The following HOOK3 variants were observed in gnomAD, a reference collection of about 807,000 sequenced individuals.
HOOK3 encodes the protein hook microtubule tethering protein 3.
A neutral mutation model predicts 116.3 loss-of-function variants in HOOK3; 24 were observed. The observed-to-expected ratio is 0.21, with a 90% CI of 0.15 to 0.29. HOOK3 has a LOEUF of 0.29. HOOK3 is among the 10% of genes least tolerant of loss of function. The pLI, the probability that HOOK3 is intolerant of heterozygous loss-of-function variation, is 1.00. For missense variants in HOOK3, 632 were observed against 830.2 expected, an observed-to-expected ratio of 0.76 and a Z score of 2.93; for synonymous variants, 275 against 283.0, an observed-to-expected ratio of 0.97 and a Z score of 0.28.
At chr8:42,997,150 C>A (rs747084718) in intron 15 of HOOK3, among the ~76,000 whole-genome samples, 62 of 152,134 alleles carry the variant, frequency 4.1e-4, no homozygotes, top group Non-Finnish European at 8.2e-4. Context: ...TCATGCAGTC[C>A]ATCCACCTTG....
At chr8:42,991,530 G>A (rs917557115) in intron 15 of HOOK3, among the ~76,000 whole-genome samples, 2 of 151,706 alleles carry the variant, frequency 1.3e-5, no homozygotes, top group Admixed American at 1.3e-4. Context: ...AGCCTTCTGA[G>A]TAGCTGGGAC....
intron 4 of HOOK3, among the ~76,000 whole-genome samples, chr8:42,939,681 C>T (rs1352324260): frequency 6.6e-6 from 1 of 151,886 alleles, no homozygotes; most frequent in African/African-American, 2.4e-5. Context: ...TCCTCACTCC[C>T]CAGACTGGGT....
At chr8:42,989,548 CAT>C (rs143437053) in intron 15 of HOOK3, among the ~76,000 whole-genome samples, 76 of 152,222 alleles carry the variant, frequency 5.0e-4, no homozygotes, top group Non-Finnish European at 9.3e-4. Flanking sequence ...GCATAATAAT[CAT>C]ATTGGGGTAA....
intron 15 of HOOK3, among the ~76,000 whole-genome samples, chr8:42,988,180 A>G (rs1809084319): frequency 6.6e-6 from 1 of 152,218 alleles, no homozygotes; most frequent in African/African-American, 2.4e-5. Flanking sequence ...TGAGGAGTCT[A>G]GAGAAATGAG....
intron 2 of HOOK3, among the ~76,000 whole-genome samples, chr8:42,906,715 A>T (rs1459025491): frequency 6.6e-6 from 1 of 152,176 alleles, no homozygotes; most frequent in Non-Finnish European, 1.5e-5. Context: ...ACACCATCTG[A>T]TATACCATAT....
chr8:42,918,946 C>T (rs1258532337), intron 2 of HOOK3, among the ~76,000 whole-genome samples: 3 of 152,234 alleles, frequency 2.0e-5, no homozygotes, highest in East Asian at 1.9e-4. Context: ...ACCTCCCAGG[C>T]GGGGTGGCGG....
intron 2 of HOOK3, among the ~76,000 whole-genome samples, chr8:42,916,486 T>C (rs973964279): frequency 1.3e-5 from 2 of 152,210 alleles, no homozygotes; most frequent in African/African-American, 4.8e-5. Flanking sequence ...AGAATTACTA[T>C]TGAGAAAAGA....
At chr8:42,983,105 C>T (rs372202486) in intron 14 of HOOK3, among the ~76,000 whole-genome samples, 30 of 152,208 alleles carry the variant, frequency 2.0e-4, no homozygotes, top group East Asian at 1.7e-3. Context: ...GAGGCTGAGG[C>T]GGGTGGATCA....
chr8:42,956,177 C>A (rs896220939), intron 6 of HOOK3, among the ~76,000 whole-genome samples: 25 of 151,272 alleles, frequency 1.7e-4, no homozygotes, highest in Non-Finnish European at 3.7e-4. Context: ...CCCCAGAGAT[C>A]CGGAAGATCT....
rs10099800 is a variant in HOOK3 at position 42,990,814 on chromosome 8, C to G, written c.1532+4019C>G. Among the ~76,000 whole-genome samples, 1,191 of 152,230 alleles carry G rather than the reference C, an allele frequency of 7.8e-3. 22 individuals carry two copies. Among genetic ancestry groups the G allele is most frequent in the African/African-American group, 0.027 (1,131 of 41,526 alleles). ...GATTGTTTCCTTTGCTATGCAGAAG[C>G]TTTTTAACTTGATGTGATCCCATTT... On this transcript the variant is annotated intron_variant, in intron 15 of 21. Coordinates refer to ENST00000307602, the MANE Select transcript of HOOK3 (RefSeq NM_032410.4).
chr8:42,964,214 A>G (rs1317316675), intron 8 of HOOK3, 97 bp from the exon 9 acceptor site: 3 of 1,254,398 alleles, frequency 2.4e-6, no homozygotes, highest in Middle Eastern at 1.9e-4. Flanking sequence ...CAAAAAATCT[A>G]TATATAGGCT....
Position 43,027,398 on chromosome 8 carries a change from G to A in HOOK3, c.*8900G>A, listed in dbSNP as rs1421799303. ...CCAAAGAATAGAGAGATTTGCTTAT[G>A]AGAACATTCTGTCATTTGTTCTGTT... On this transcript the variant is annotated 3_prime_UTR_variant, in exon 22 of 22. Transcript: ENST00000307602. 5 of 376,950 alleles carry A rather than the reference G, an allele frequency of 1.3e-5. No homozygotes were observed. The highest frequency in any genetic ancestry group is 4.2e-5 in the Admixed American group (1 of 23,966). The allele number at this position is 376,950 out of a possible 1,614,324, so 23.4% of individuals were successfully genotyped here.
At chr8:42,940,669 G>T (rs1808096413) in intron 4 of HOOK3, among the ~76,000 whole-genome samples, 1 of 152,170 alleles carries the variant, frequency 6.6e-6, no homozygotes, top group Admixed American at 6.5e-5. Context: ...TTTCTCTCTG[G>T]ATGCCCTTAA....
In HOOK3 at chr8:43,021,375, C is replaced by T; in HGVS notation, c.*2877C>T. 5.6e-6 allele frequency: 1 copy of T among 180,090 alleles called. No individual in the cohort carries two copies. The highest frequency in any genetic ancestry group is 1.2e-5 in the Non-Finnish European group (1 of 84,494). The allele number at this position is 180,090 out of a possible 1,614,324, so 11.2% of individuals were successfully genotyped here. ...CTGTAGTGCCGTGGCATGATCTCGG[C>T]TCACTGCAGCCTCTGCCTCCCGGGT... On this transcript the variant is annotated 3_prime_UTR_variant, in exon 22 of 22. Coordinates refer to ENST00000307602, the MANE Select transcript of HOOK3 (RefSeq NM_032410.4).
chr8:43,002,954 AT>A (rs1338440151), intron 17 of HOOK3, among the ~76,000 whole-genome samples: 6 of 152,230 alleles, frequency 3.9e-5, no homozygotes, highest in African/African-American at 1.4e-4. Context: ...GATGAAGTAA[AT>A]TTTAAAATAT....
chr8:42,952,966 A>G lies in HOOK3; in HGVS notation c.468+2511A>G, dbSNP rs1338975376. 3.2e-4 allele frequency among the ~76,000 whole-genome samples: 49 copies of G among 152,134 alleles called. 1 individual carries two copies. Among genetic ancestry groups the G allele is most frequent in the Admixed American group, 3.0e-3 (46 of 15,270 alleles). On this transcript the variant is annotated intron_variant, in intron 6 of 21. Coordinates refer to ENST00000307602, the MANE Select transcript of HOOK3 (RefSeq NM_032410.4). ...ATACATGATTCCCAGCTAGTGGTGC[A>G]GTGCTGGCTTTCATGTTTATATTTC...
chr8:42,901,452 G>T (rs1586582031), intron 1 of HOOK3, among the ~76,000 whole-genome samples: 2 of 151,914 alleles, frequency 1.3e-5, no homozygotes, highest in East Asian at 1.9e-4. Flanking sequence ...AATTTTTTTG[G>T]TTTTTAGTAT....
At chr8:43,002,162 G>A (rs1045414465) in intron 17 of HOOK3, 21 bp downstream of exon 17, 5 of 1,579,852 alleles carry the variant, frequency 3.2e-6, no homozygotes, top group Non-Finnish European at 4.3e-6. Flanking sequence ...AAGCTGTTGA[G>A]GCTGATTCTT....
intron 1 of HOOK3, 73 bp downstream of exon 1, chr8:42,897,261 C>A: frequency 1.9e-6 from 2 of 1,058,444 alleles, no homozygotes; most frequent in Non-Finnish European, 2.4e-6. Flanking sequence ...ACGCGCGGCC[C>A]GTGGGGCGAG....
Sources: gnomAD v4.1 joint callset for allele counts (sites outside exome capture counted in the v4.1 genomes callset) on GRCh38, gnomAD v4.1.1 for gene constraint, MANE v1.5 for transcripts, NCBI Gene and HGNC (gene_info 2026-07-23, HGNC 2026-07-21) for gene names.